FGGY: variants seen among roughly 807,000 people sequenced by gnomAD.
FGGY encodes FGGY carbohydrate kinase domain-containing protein.
In FGGY, 72 loss-of-function variants were observed where a neutral mutation model predicts 71.3. That is an observed-to-expected ratio of 1.01 (90% confidence interval 0.84 to 1.23). FGGY has a LOEUF of 1.23. Among genes scored for constraint, FGGY ranks in the 50% most tolerant of loss-of-function variants. The pLI is 0.00. For synonymous variants in FGGY, 251 were observed against 250.3 expected (o/e 1.00, Z -0.02); for missense variants, 668 against 682.3 (o/e 0.98, Z 0.23).
chr1:59,375,242 G>C (rs1455304457), intron 4 of FGGY, among the ~76,000 whole-genome samples: 1 of 132,336 alleles, frequency 7.6e-6, no homozygotes, highest in Non-Finnish European at 1.5e-5. Flanking sequence ...CCTGGCGATA[G>C]AGTGAGACTC....
intron 5 of FGGY, among the ~76,000 whole-genome samples, chr1:59,383,660 G>T (rs1277701722): frequency 6.6e-6 from 1 of 152,114 alleles, no homozygotes; most frequent in Non-Finnish European, 1.5e-5. Context: ...CCTGCTAAGT[G>T]GAGGCTTCAT....
intron 13 of FGGY, among the ~76,000 whole-genome samples, chr1:59,668,380 G>A (rs1449424780): frequency 6.6e-6 from 1 of 152,130 alleles, no homozygotes; most frequent in Non-Finnish European, 1.5e-5. Flanking sequence ...AAGTGGGGAA[G>A]GGTTGTACCC....
chr1:59,733,734 G>A (rs980518292), intron 14 of FGGY, among the ~76,000 whole-genome samples: 4 of 152,158 alleles, frequency 2.6e-5, no homozygotes, highest in African/African-American at 7.2e-5. Context: ...ATTAAGCCCT[G>A]TGAGATCTAA....
chr1:59,348,393 A>C (rs770630573), intron 4 of FGGY, among the ~76,000 whole-genome samples: 10 of 152,180 alleles, frequency 6.6e-5, no homozygotes, highest in Non-Finnish European at 1.2e-4. Flanking sequence ...TCTCTGGTCA[A>C]AGCACTTGCA....
intron 4 of FGGY, among the ~76,000 whole-genome samples, chr1:59,358,951 A>G (rs2054874160): frequency 6.6e-6 from 1 of 152,200 alleles, no homozygotes; most frequent in Admixed American, 6.5e-5. Context: ...GCCACTTATC[A>G]ACTTTATTAC....
chr1:59,712,874 G>A (rs770849039), intron 14 of FGGY, among the ~76,000 whole-genome samples: 5 of 152,124 alleles, frequency 3.3e-5, no homozygotes, highest in African/African-American at 9.7e-5. Flanking sequence ...TTGGCTCCTC[G>A]TTACTTATGC....
chr1:59,470,101 T>C (rs1169311729), intron 6 of FGGY, among the ~76,000 whole-genome samples: 3 of 152,204 alleles, frequency 2.0e-5, no homozygotes, highest in Admixed American at 6.5e-5. Flanking sequence ...CTATATTCTT[T>C]GGGGTATATA....
At chr1:59,642,071 G>A in intron 11 of FGGY, among the ~76,000 whole-genome samples, 1 of 152,054 alleles carries the variant, frequency 6.6e-6, no homozygotes. Flanking sequence ...ACCCAAGCAG[G>A]AAGTGTGAAT....
chr1:59,725,267 G>C (rs2097932888), intron 14 of FGGY, among the ~76,000 whole-genome samples: 1 of 152,106 alleles, frequency 6.6e-6, no homozygotes, highest in Non-Finnish European at 1.5e-5. Flanking sequence ...GTTGGAAAAG[G>C]AATAAATCAG....
intron 6 of FGGY, among the ~76,000 whole-genome samples, chr1:59,477,771 A>G (rs766563151): frequency 1.3e-5 from 2 of 152,150 alleles, no homozygotes; most frequent in Non-Finnish European, 2.9e-5. Flanking sequence ...GTTTATTAAT[A>G]CTTCATGTTC....
At position 59,759,840 on chromosome 1, in the gene FGGY, C is replaced by T. The variant is rs912067542; in HGVS notation, c.1574+1848C>T. ...CAGCTGATTTTAAAATTCACAGTCA[C>T]GGAGAGTGTAATTTAGTGACTATAG... On this transcript the variant is annotated intron_variant, in intron 15 of 15. Coordinates refer to ENST00000303721, the MANE Select transcript of FGGY (RefSeq NM_018291.5). Among the ~76,000 whole-genome samples the T allele has an allele frequency of 1.1e-4, 17 of 152,280 alleles. No individual in the cohort carries two copies. In the Middle Eastern group the frequency reaches 0.014, roughly 122 times the overall value.
At chr1:59,383,374 A>G (rs2059706347) in intron 5 of FGGY, among the ~76,000 whole-genome samples, 1 of 152,164 alleles carries the variant, frequency 6.6e-6, no homozygotes, top group Non-Finnish European at 1.5e-5. Flanking sequence ...AGAGATTGGA[A>G]GTGTTTTAAA....
At chr1:59,697,307 A>G (rs114173993) in intron 14 of FGGY, among the ~76,000 whole-genome samples, 30 of 152,310 alleles carry the variant, frequency 2.0e-4, no homozygotes, top group African/African-American at 6.7e-4. Context: ...AACTCTTTTC[A>G]TCTTGCAAAA....
intron 7 of FGGY, among the ~76,000 whole-genome samples, chr1:59,539,072 A>T (rs1238980531): frequency 6.6e-6 from 1 of 152,198 alleles, no homozygotes. Flanking sequence ...AGGAAGGAAG[A>T]TGTGTAAGAC....
At chr1:59,499,455 G>T (rs1558135019) in intron 6 of FGGY, among the ~76,000 whole-genome samples, 1 of 151,820 alleles carries the variant, frequency 6.6e-6, no homozygotes, top group Non-Finnish European at 1.5e-5. Flanking sequence ...TATTCAGAAT[G>T]GTGTGCAATT....
chr1:59,544,436 C>A (rs1360021766), intron 7 of FGGY, among the ~76,000 whole-genome samples: 1 of 152,106 alleles, frequency 6.6e-6, no homozygotes, highest in East Asian at 1.9e-4. Context: ...GGGAGGGCAC[C>A]TCTCACATGA....
At chr1:59,360,743 A>G (rs908241058) in intron 4 of FGGY, among the ~76,000 whole-genome samples, 4 of 152,244 alleles carry the variant, frequency 2.6e-5, no homozygotes, top group African/African-American at 9.6e-5. Context: ...AGAGGCAGGT[A>G]AGAAATCTAA....
intron 6 of FGGY, among the ~76,000 whole-genome samples, chr1:59,490,818 A>C (rs1050145423): frequency 2.0e-5 from 3 of 151,996 alleles, no homozygotes; most frequent in African/African-American, 7.2e-5. Flanking sequence ...GCTTTTTTCA[A>C]AAATCAGTTG....
At chr1:59,492,698 C>A (rs1269822546) in intron 6 of FGGY, among the ~76,000 whole-genome samples, 1 of 152,030 alleles carries the variant, frequency 6.6e-6, no homozygotes, top group East Asian at 1.9e-4. Context: ...AGGTAATAAA[C>A]CTCGAGTCTT....
Sources: allele counts gnomAD v4.1 joint callset (sites outside exome capture counted in the v4.1 genomes callset), GRCh38; gene constraint gnomAD v4.1.1; transcripts MANE v1.5; gene names NCBI Gene and HGNC (gene_info 2026-07-23, HGNC 2026-07-21).